The following TRPC5 variants were observed in gnomAD, a reference collection of about 807,000 sequenced individuals.
The protein encoded by TRPC5 is transient receptor potential cation channel subfamily C member 5, also known as short transient receptor potential channel 5.
In TRPC5, 9 loss-of-function variants were observed where a neutral mutation model predicts 56.5. That is an observed-to-expected ratio of 0.16 (90% CI 0.10 to 0.28). The LOEUF (loss-of-function observed/expected upper bound fraction) is 0.28, where lower values mean the gene tolerates loss of function less well. TRPC5 is among the 10% of genes least tolerant of loss of function. The probability of loss-of-function intolerance (pLI) is 1.00; values close to 1 mark genes in which losing one functional copy is unlikely to be tolerated. For missense variants in TRPC5, 469 were observed against 748.9 expected, an observed-to-expected ratio of 0.63 and a Z score of 4.36; for synonymous variants, 282 against 278.5, an observed-to-expected ratio of 1.01 and a Z score of -0.13.
chrX:111,930,132 C>G (rs1926368121), intron 2 of TRPC5, among the ~76,000 whole-genome samples: 1 of 111,164 alleles, frequency 9.0e-6, no homozygotes, highest in Non-Finnish European at 1.9e-5. Context: ...GCTGATTTCT[C>G]TAGTATATAA....
rs1367998785 is a variant in TRPC5 at position 111,859,525 on chromosome X, T to A, written c.901-5419A>T. On this transcript the variant is annotated intron_variant, in intron 3 of 10. Coordinates refer to ENST00000262839, the MANE Select transcript of TRPC5 (RefSeq NM_012471.3). ...TCTGTTATATAGAAGGAATTTGAGATAAGACTTGTTAAAGCCAAGCCCAGC... is the reference window on the plus strand; with the variant it reads ...TCTGTTATATAGAAGGAATTTGAGAAAAGACTTGTTAAAGCCAAGCCCAGC... Among the ~76,000 whole-genome samples the A allele has an allele frequency of 2.7e-5, 3 of 112,203 alleles. No individual in the cohort carries two copies. In the East Asian group the frequency reaches 8.3e-4, roughly 31 times the overall value.
intron 1 of TRPC5, among the ~76,000 whole-genome samples, chrX:111,968,996 A>G (rs1190351602): frequency 1.9e-5 from 2 of 103,004 alleles, no homozygotes; most frequent in African/African-American, 7.0e-5. Context: ...AAAATAAAAT[A>G]AAATAAAATA....
intron 1 of TRPC5, among the ~76,000 whole-genome samples, chrX:112,005,658 T>A (rs770576142): frequency 1.8e-5 from 2 of 110,325 alleles, no homozygotes; most frequent in South Asian, 7.9e-4. Flanking sequence ...GGGAAGGAAC[T>A]GGGAGTGACC....
At chrX:111,842,711 C>T (rs1197324356) in intron 6 of TRPC5, among the ~76,000 whole-genome samples, 1 of 112,134 alleles carries the variant, frequency 8.9e-6, no homozygotes, top group Non-Finnish European at 1.9e-5. Flanking sequence ...GGGGCTGGAA[C>T]TAATAAGATG....
chrX:111,930,610 T>A (rs750252156), intron 2 of TRPC5: 5 of 110,499 alleles, frequency 4.5e-5, no homozygotes, highest in East Asian at 5.7e-4. Flanking sequence ...TTAAAAAAAA[T>A]AATAAAAAAC....
intron 1 of TRPC5, among the ~76,000 whole-genome samples, chrX:112,063,844 T>G (rs1930514535): frequency 8.9e-6 from 1 of 112,077 alleles, no homozygotes; most frequent in Non-Finnish European, 1.9e-5. Flanking sequence ...CAGGCTGGAG[T>G]GCAGTGGCGC....
chrX:112,031,166 T>C (rs998138781), intron 1 of TRPC5, among the ~76,000 whole-genome samples: 3 of 112,014 alleles, frequency 2.7e-5, no homozygotes, highest in African/African-American at 9.7e-5. Flanking sequence ...TCTTAGTTTT[T>C]TCTAAATCCT....
chrX:111,984,847 A>G (rs1363239404), intron 1 of TRPC5, among the ~76,000 whole-genome samples: 1 of 112,717 alleles, frequency 8.9e-6, no homozygotes, highest in Non-Finnish European at 1.9e-5. Context: ...CCTTATGTAC[A>G]GGGATGGAGA....
At chrX:111,856,432 G>T (rs751978841) in intron 3 of TRPC5, among the ~76,000 whole-genome samples, 7 of 107,967 alleles carry the variant, frequency 6.5e-5, no homozygotes, top group African/African-American at 2.4e-4. Flanking sequence ...CCAGCTACTT[G>T]GGTGGCTGAA....
intron 7 of TRPC5, among the ~76,000 whole-genome samples, chrX:111,825,912 TTCC>T (rs1019729548): frequency 2.7e-5 from 3 of 112,038 alleles, no homozygotes; most frequent in African/African-American, 9.7e-5. Context: ...AGCTTCTCCC[TTCC>T]TCCTACCATC....
intron 2 of TRPC5, among the ~76,000 whole-genome samples, chrX:111,924,560 C>G (rs1201492314): frequency 6.3e-5 from 7 of 111,622 alleles, no homozygotes; most frequent in South Asian, 7.5e-4. Context: ...CTTTCCCCAC[C>G]ATGATTTTCA....
intron 1 of TRPC5, among the ~76,000 whole-genome samples, chrX:111,997,515 C>T (rs1212552538): frequency 1.8e-5 from 2 of 110,734 alleles, no homozygotes; most frequent in Non-Finnish European, 3.8e-5. Flanking sequence ...CTCTGGATTT[C>T]CTGAATTTGA....
chrX:111,971,754 A>G (rs771338003), intron 1 of TRPC5, among the ~76,000 whole-genome samples: 53 of 112,011 alleles, frequency 4.7e-4, no homozygotes, highest in African/African-American at 1.5e-3. Flanking sequence ...TTATGATTCT[A>G]TCATTCATAA....
At chrX:112,032,135 T>A (rs1929603231) in intron 1 of TRPC5, among the ~76,000 whole-genome samples, 1 of 110,789 alleles carries the variant, frequency 9.0e-6, no homozygotes, top group Non-Finnish European at 1.9e-5. Flanking sequence ...CCAATAGGCA[T>A]ATGAAAAAAT....
chrX:111,788,573 G>A (rs1251409274), intron 7 of TRPC5, among the ~76,000 whole-genome samples: 1 of 111,554 alleles, frequency 9.0e-6, no homozygotes, highest in Non-Finnish European at 1.9e-5. Flanking sequence ...GGGAAATCAG[G>A]CAAGAGAAAG....
At chrX:112,076,299 A>C (rs1175956711) in intron 1 of TRPC5, among the ~76,000 whole-genome samples, 1 of 111,605 alleles carries the variant, frequency 9.0e-6, no homozygotes, top group African/African-American at 3.3e-5. Flanking sequence ...CCCAGATTGC[A>C]CATGCCAGTC....
intron 6 of TRPC5, among the ~76,000 whole-genome samples, chrX:111,840,169 C>CAAACAA (rs971149787): frequency 3.6e-5 from 4 of 111,722 alleles, no homozygotes; most frequent in South Asian, 3.8e-4. Flanking sequence ...GACTCCGTCT[C>CAAACAA]AAACAAAAAC....
chrX:111,915,644 AATT>A lies in TRPC5; in HGVS notation c.379-2835_379-2833del, dbSNP rs753005848. ...CTGATGCTGTCTTACATTATTCTCA[AATT>A]ACTTCACACACGTACTTTTTGCCTC... On this transcript the variant is annotated intron_variant, in intron 2 of 10. Coordinates refer to ENST00000262839, the MANE Select transcript of TRPC5 (RefSeq NM_012471.3). 5.3e-3 allele frequency among the ~76,000 whole-genome samples: 589 copies of A among 111,803 alleles called. 3 individuals are homozygous for A. The highest frequency in any genetic ancestry group is 7.5e-3 in the Non-Finnish European group (397 of 53,112).
intron 1 of TRPC5, among the ~76,000 whole-genome samples, chrX:112,051,065 A>G (rs1930199970): frequency 8.9e-6 from 1 of 112,724 alleles, no homozygotes; most frequent in East Asian, 2.8e-4. Flanking sequence ...AGCAGAATGT[A>G]TAACCTGGGT....
Sources: allele counts gnomAD v4.1 joint callset (sites outside exome capture counted in the v4.1 genomes callset), GRCh38; gene constraint gnomAD v4.1.1; transcripts MANE v1.5; gene names NCBI Gene and HGNC (gene_info 2026-07-23, HGNC 2026-07-21).